INPP5A: variants seen among roughly 807,000 people sequenced by gnomAD.
The protein encoded by INPP5A is inositol polyphosphate-5-phosphatase A.
In INPP5A, 14 loss-of-function variants were observed where a neutral mutation model predicts 65.2. The ratio of observed to expected loss-of-function variants is 0.21; its 90% confidence interval spans 0.14 to 0.34. The LOEUF is 0.34. Among genes scored for constraint, INPP5A ranks in the 10% least tolerant of loss-of-function variants. The probability of loss-of-function intolerance (pLI) is 1.00; values close to 1 mark genes in which losing one functional copy is unlikely to be tolerated. For synonymous variants in INPP5A, 207 were observed against 208.3 expected, an observed-to-expected ratio of 0.99 and a Z score of 0.05; for missense variants, 431 against 545.6, an observed-to-expected ratio of 0.79 and a Z score of 2.09.
chr10:132,544,097 T>C (rs1041682982), intron 1 of INPP5A, among the ~76,000 whole-genome samples: 12 of 152,242 alleles, frequency 7.9e-5, no homozygotes, highest in Admixed American at 7.8e-4. Context: ...GGTTCTGGTT[T>C]CTGCACCTCT....
At chr10:132,680,893 G>A (rs920821447) in intron 4 of INPP5A, among the ~76,000 whole-genome samples, 1 of 152,242 alleles carries the variant, frequency 6.6e-6, no homozygotes, top group African/African-American at 2.4e-5. Flanking sequence ...TTCCCGAGGG[G>A]CAGGGCTCGG....
intron 9 of INPP5A, among the ~76,000 whole-genome samples, chr10:132,742,290 G>C (rs1213459745): frequency 1.3e-5 from 2 of 152,222 alleles, no homozygotes; most frequent in Non-Finnish European, 2.9e-5. Flanking sequence ...CCCGACCTGG[G>C]CCAGCACGCG....
At position 132,587,233 on chromosome 10, in the gene INPP5A, A is replaced by C. The variant is rs1057063420; in HGVS notation, c.76-20682A>C. On this transcript the variant is annotated intron_variant, in intron 1 of 15. Transcript: ENST00000368594. This position sits in a 1 kb window ranked among gnomAD's most constrained non-coding sequence, Gnocchi z 4.3. Reference sequence around the variant, plus strand: ...CAGAGGGCGGACAGGAGATGGACCCAGGGCAGCTTGGGCCCGTTCCTCACC... The same window carrying C: ...CAGAGGGCGGACAGGAGATGGACCCCGGGCAGCTTGGGCCCGTTCCTCACC... Among the ~76,000 whole-genome samples, 1 of 152,246 alleles carries C rather than the reference A, an allele frequency of 6.6e-6. No homozygotes were observed. Among genetic ancestry groups the C allele is most frequent in the Non-Finnish European group, 1.5e-5 (1 of 68,040 alleles).
In INPP5A at chr10:132,616,936, C is replaced by G. The variant is rs1268406111; in HGVS notation, c.117+8980C>G. Among the ~76,000 whole-genome samples, 1 of 151,986 alleles carries G rather than the reference C, an allele frequency of 6.6e-6. No homozygotes were observed. Among genetic ancestry groups the G allele is most frequent in the African/African-American group, 2.4e-5 (1 of 41,340 alleles). On this transcript the variant is annotated intron_variant, in intron 2 of 15. Coordinates refer to ENST00000368594, the MANE Select transcript of INPP5A (RefSeq NM_005539.5). This position sits in a 1 kb window ranked among gnomAD's most constrained non-coding sequence, Gnocchi z 4.9. Reference sequence around the variant, plus strand: ...ATCGTGCTGGCCAGTTGCTTTGCTGCGCTGGTGGGGAGAGGCCGCCTGAGG... The same window carrying G: ...ATCGTGCTGGCCAGTTGCTTTGCTGGGCTGGTGGGGAGAGGCCGCCTGAGG...
Position 132,538,039 on chromosome 10 carries a change from C to T in INPP5A, c.-58C>T. On this transcript the variant is annotated 5_prime_UTR_variant, in exon 1 of 16. Transcript: ENST00000368594. The surrounding 1 kb of genome is among the most constrained non-coding windows in gnomAD (Gnocchi z 4.1). ...CGCGAAGACCCCGGCCGGCCGGTCC[C>T]GGAGGAAGCGGCCGCCGCCGCCGCC... 1.1e-6 allele frequency: 1 copy of T among 888,238 alleles called. No individual in the cohort carries two copies. The highest frequency in any genetic ancestry group is 1.4e-6 in the Non-Finnish European group (1 of 740,022). The allele number at this position is 888,238 out of a possible 1,614,324, so 55.0% of individuals were successfully genotyped here. A position where few individuals can be genotyped will look rare whatever the true frequency, so the allele number is the denominator to read the frequency against.
intron 6 of INPP5A, among the ~76,000 whole-genome samples, chr10:132,699,995 C>A (rs1845411115): frequency 6.6e-6 from 1 of 152,164 alleles, no homozygotes; most frequent in Non-Finnish European, 1.5e-5. Context: ...GTCCCTAATG[C>A]CAGTACTCTG....
At chr10:132,689,172 C>G (rs1164375883) in intron 4 of INPP5A, among the ~76,000 whole-genome samples, 1 of 152,206 alleles carries the variant, frequency 6.6e-6, no homozygotes, top group Non-Finnish European at 1.5e-5. Context: ...GAGGGATGCA[C>G]CACGCCCTGT....
In INPP5A at chr10:132,753,279, A is replaced by G. The variant is rs1314350959; in HGVS notation, c.903+3434A>G. On this transcript the variant is annotated intron_variant, in intron 11 of 15. Coordinates refer to ENST00000368594, the MANE Select transcript of INPP5A (RefSeq NM_005539.5). The surrounding 1 kb of genome is among the most constrained non-coding windows in gnomAD (Gnocchi z 5.3). Reference sequence around the variant, plus strand: ...ACGGGGAGCCTGGGGAGATAATCCCATCTCCACGGTCCGGTTAAACACACA... The same window carrying G: ...ACGGGGAGCCTGGGGAGATAATCCCGTCTCCACGGTCCGGTTAAACACACA... 6.6e-6 allele frequency among the ~76,000 whole-genome samples: 1 copy of G among 152,130 alleles called. No homozygotes were observed. Among genetic ancestry groups the G allele is most frequent in the African/African-American group, 2.4e-5 (1 of 41,432 alleles).
rs992586019 is a variant in INPP5A at position 132,706,272 on chromosome 10, T to G, written c.475-2041T>G. On this transcript the variant is annotated intron_variant, in intron 6 of 15. Transcript: ENST00000368594. The surrounding 1 kb of genome is among the most constrained non-coding windows in gnomAD (Gnocchi z 4.7). Reference sequence around the variant, plus strand: ...AGGAGCAGTTAAAAGACATAAAGACTATTAAGAGGCTCAAATAAACTCAAA... The same window carrying G: ...AGGAGCAGTTAAAAGACATAAAGACGATTAAGAGGCTCAAATAAACTCAAA... Among the ~76,000 whole-genome samples, 1 of 152,222 alleles carries G rather than the reference T, an allele frequency of 6.6e-6. No individual in the cohort carries two copies. The highest frequency in any genetic ancestry group is 6.5e-5 in the Admixed American group (1 of 15,276).
intron 9 of INPP5A, among the ~76,000 whole-genome samples, chr10:132,728,824 G>T (rs1035925849): frequency 6.6e-6 from 1 of 152,174 alleles, no homozygotes; most frequent in East Asian, 1.9e-4. Flanking sequence ...TGGAGCAGCC[G>T]CGGGAGCCTC....
chr10:132,588,163 C>G (rs555806697), intron 1 of INPP5A, among the ~76,000 whole-genome samples: 17 of 152,236 alleles, frequency 1.1e-4, no homozygotes, highest in African/African-American at 3.6e-4. Flanking sequence ...TAGACTTAAG[C>G]TGATTTTGTC....
Position 132,676,315 on chromosome 10 carries a change from C to A in INPP5A, c.307-14077C>A, listed in dbSNP as rs2072963910. ...TCACACAGCCTCGTTTTTCATGAGA[C>A]CTGCGGAAAGGCTCTGGGGCGTCAC... On this transcript the variant is annotated intron_variant, in intron 4 of 15. Coordinates refer to ENST00000368594, the MANE Select transcript of INPP5A (RefSeq NM_005539.5). This position sits in a 1 kb window ranked among gnomAD's most constrained non-coding sequence, Gnocchi z 4.0. 6.6e-6 allele frequency among the ~76,000 whole-genome samples: 1 copy of A among 152,168 alleles called. No homozygotes were observed.
chr10:132,646,803 CGCTGCCACACACTGTGGGCCGACGCT>C (rs1164737095), intron 3 of INPP5A, among the ~76,000 whole-genome samples: 1 of 151,764 alleles, frequency 6.6e-6, no homozygotes, highest in Non-Finnish European at 1.5e-5. Context: ...GGGCCGACGC[CGCTGCCACACACTGTGGGCCGACGCT>C]GCTGCCACGC....
intron 4 of INPP5A, among the ~76,000 whole-genome samples, chr10:132,673,000 C>G (rs1215926176): frequency 6.6e-6 from 1 of 152,188 alleles, no homozygotes; most frequent in African/African-American, 2.4e-5. Context: ...TCCCGTTGAC[C>G]TTAATCACAA....
chr10:132,568,300 G>C (rs1179970770), intron 1 of INPP5A, among the ~76,000 whole-genome samples: 3 of 152,044 alleles, frequency 2.0e-5, no homozygotes, highest in African/African-American at 7.2e-5. Flanking sequence ...TGTTTCTCTG[G>C]AAGCCATTTC....
intron 4 of INPP5A, among the ~76,000 whole-genome samples, chr10:132,689,687 C>T (rs556306314): frequency 6.6e-6 from 1 of 152,356 alleles, no homozygotes; most frequent in African/African-American, 2.4e-5. Flanking sequence ...ACAGGTTCAT[C>T]TGTAGAAAAT....
chr10:132,636,796 C>T (rs571004027), intron 2 of INPP5A, among the ~76,000 whole-genome samples: 4 of 152,334 alleles, frequency 2.6e-5, no homozygotes, highest in Admixed American at 6.5e-5. Flanking sequence ...CTGGATAAAT[C>T]GCCCTTGGTT....
chr10:132,612,410 T>A (rs2071971514), intron 2 of INPP5A, among the ~76,000 whole-genome samples: 1 of 151,166 alleles, frequency 6.6e-6, no homozygotes, highest in South Asian at 2.1e-4. Context: ...AGAATTGTGA[T>A]GTTGTGTTTT....
At chr10:132,729,246 C>G (rs866809811) in intron 9 of INPP5A, among the ~76,000 whole-genome samples, 2 of 152,200 alleles carry the variant, frequency 1.3e-5, no homozygotes, top group South Asian at 2.1e-4. Flanking sequence ...GTGCAGGGGC[C>G]TCGGGAGCCG....
Sources: allele counts gnomAD v4.1 joint callset (sites outside exome capture counted in the v4.1 genomes callset), GRCh38; gene constraint gnomAD v4.1.1; non-coding constraint Gnocchi (gnomAD v3.1); transcripts MANE v1.5; gene names NCBI Gene and HGNC (gene_info 2026-07-23, HGNC 2026-07-21).